The following ENPP6 variants were observed in gnomAD, a reference collection of about 807,000 sequenced individuals.
ENPP6 encodes the protein ectonucleotide pyrophosphatase/phosphodiesterase 6, also known as glycerophosphocholine cholinephosphodiesterase ENPP6.
Under a neutral mutation model 42.0 loss-of-function variants are expected in ENPP6, and 32 were observed. That is an observed-to-expected ratio of 0.76 (90% CI 0.58 to 1.02). The LOEUF is 1.02. Ranked by LOEUF, ENPP6 falls within the 50% of genes least tolerant of loss-of-function variation. The probability of loss-of-function intolerance (pLI) is 0.00; values close to 1 mark genes in which losing one functional copy is unlikely to be tolerated. For synonymous variants in ENPP6, 213 were observed against 216.0 expected, an observed-to-expected ratio of 0.99 and a Z score of 0.12; for missense variants, 552 against 566.8, an observed-to-expected ratio of 0.97 and a Z score of 0.27.
intron 5 of ENPP6, among the ~76,000 whole-genome samples, 180 bp from the exon 6 acceptor site, chr4:184,112,989 T>C (rs1359650869): frequency 2.0e-5 from 3 of 152,234 alleles, no homozygotes; most frequent in Non-Finnish European, 4.4e-5. Context: ...CAAGGTGGCT[T>C]CATCCAGGAA....
chr4:184,143,784 G>T (rs1736871395), intron 2 of ENPP6, among the ~76,000 whole-genome samples: 1 of 152,210 alleles, frequency 6.6e-6, no homozygotes, highest in South Asian at 2.1e-4. Context: ...TGAGTGAGTG[G>T]CTGCATGGAT....
In ENPP6 at chr4:184,091,140, T is replaced by C; in HGVS notation, c.*37A>G. 1 of 1,497,148 alleles carries C rather than the reference T, an allele frequency of 6.7e-7. No individual in the cohort carries two copies. Among genetic ancestry groups the C allele is most frequent in the Non-Finnish European group, 8.9e-7 (1 of 1,124,244 alleles). The allele number at this position is 1,497,148 out of a possible 1,614,324, so 92.7% of individuals were successfully genotyped here. ...ATCTGGCTTTGGAGGCCCACTTTGC[T>C]GATGGTGTTTTTTTCTGAGACAAGC... On this transcript the variant is annotated 3_prime_UTR_variant, in exon 8 of 8. Coordinates refer to ENST00000296741, the MANE Select transcript of ENPP6 (RefSeq NM_153343.4).
chr4:184,193,940 G>A (rs936566309), intron 1 of ENPP6, among the ~76,000 whole-genome samples: 3 of 152,114 alleles, frequency 2.0e-5, no homozygotes, highest in Admixed American at 6.5e-5. Flanking sequence ...TCTTCTATTA[G>A]AAGCTTTGCC....
chr4:184,176,020 C>A (rs1004185804), intron 1 of ENPP6, among the ~76,000 whole-genome samples: 4 of 152,072 alleles, frequency 2.6e-5, no homozygotes, highest in African/African-American at 7.2e-5. Context: ...CACTCCTGGC[C>A]TCAAGCAATC....
At chr4:184,155,340 C>T (rs1737139792) in intron 1 of ENPP6, among the ~76,000 whole-genome samples, 1 of 152,158 alleles carries the variant, frequency 6.6e-6, no homozygotes, top group Non-Finnish European at 1.5e-5. Context: ...CCTAATGATG[C>T]TTACTCATCC....
chr4:184,117,895 C>T lies in ENPP6; in HGVS notation c.539G>A (p.Gly180Asp). 1 of 1,613,970 alleles carries T rather than the reference C, an allele frequency of 6.2e-7. No individual in the cohort carries two copies. Among genetic ancestry groups the T allele is most frequent in the Non-Finnish European group, 8.5e-7 (1 of 1,179,970 alleles). The change falls in exon 4 of 8, where the codon GGC (glycine) becomes GAC (aspartate). Residue 180 changes from glycine to aspartate, a missense_variant. Transcript: ENST00000296741. ...VSDALDSFKSGRADLAAIYHE... is the reference protein window; with the variant it reads ...VSDALDSFKSDRADLAAIYHE... ...GTATATGGCTGCCAGGTCGGCCCGG[C>T]CACTCCTGGAGGGACAGAGGAGAGA...
chr4:184,148,519 G>A (rs1405281774), intron 2 of ENPP6, among the ~76,000 whole-genome samples: 4 of 152,156 alleles, frequency 2.6e-5, no homozygotes, highest in African/African-American at 4.8e-5. Flanking sequence ...AGAAATGGTC[G>A]ACGCCTAGAA....
In ENPP6 at chr4:184,096,945, T is replaced by G. The variant is rs947723106; in HGVS notation, c.1117+300A>C. On this transcript the variant is annotated intron_variant, in intron 7 of 7. Transcript: ENST00000296741. ...TCCTGGACATCAGATAGCTATGAAA[T>G]AACATTTTGATGAATTAGGTAAAAA... is the stretch of plus-strand genomic sequence containing the variant. Among the ~76,000 whole-genome samples, 24 of 152,194 alleles carry G rather than the reference T, an allele frequency of 1.6e-4. 1 individual carries two copies. The highest frequency in any genetic ancestry group is 5.5e-4 in the African/African-American group (23 of 41,530).
At position 184,116,840 on chromosome 4, in the gene ENPP6, C is replaced by A. The variant is rs375748706; in HGVS notation, c.855+16G>T. 2.2e-5 allele frequency: 36 copies of A among 1,612,438 alleles called. No individual in the cohort carries two copies. The highest frequency in any genetic ancestry group is 2.2e-4 in the East Asian group (10 of 44,886). ...GCCCACATGGCCCTCCTCCGCCCCC[C>A]ACGGGTCTGTCTTGCCTCAGAGTGT... On this transcript the variant is annotated intron_variant, in intron 5 of 7. Transcript: ENST00000296741.
At chr4:184,116,764 CA>C in intron 5 of ENPP6, 91 bp downstream of exon 5, 1 of 1,516,392 alleles carries the variant, frequency 6.6e-7, no homozygotes, top group Non-Finnish European at 8.9e-7. Flanking sequence ...ACACACAAAA[CA>C]AAACAAAAAA....
intron 1 of ENPP6, among the ~76,000 whole-genome samples, chr4:184,205,572 C>A (rs1732981614): frequency 6.6e-6 from 1 of 152,256 alleles, no homozygotes; most frequent in Admixed American, 6.5e-5. Context: ...ACTTGGGGTA[C>A]AACAGAACCC....
chr4:184,151,493 T>C lies in ENPP6; in HGVS notation c.421+2061A>G, dbSNP rs563425711. On this transcript the variant is annotated intron_variant, in intron 2 of 7. Transcript: ENST00000296741. ...AAGGCCCTCTCCAGGAGATCTTATGTGGAGGGGGCTCAAGGGTTGTTGGCA... is the reference window on the plus strand; with the variant it reads ...AAGGCCCTCTCCAGGAGATCTTATGCGGAGGGGGCTCAAGGGTTGTTGGCA... Among the ~76,000 whole-genome samples, 37 of 152,348 alleles carry C rather than the reference T, an allele frequency of 2.4e-4. No individual in the cohort carries two copies. The South Asian group carries it at 7.5e-3, about 31-fold the overall frequency.
chr4:184,151,416 C>T (rs1339584443), intron 2 of ENPP6, among the ~76,000 whole-genome samples: 1 of 152,224 alleles, frequency 6.6e-6, no homozygotes, highest in African/African-American at 2.4e-5. Context: ...GCGACTGCCC[C>T]TCAGTAGGAT....
intron 1 of ENPP6, among the ~76,000 whole-genome samples, chr4:184,173,664 T>G (rs1435606622): frequency 6.6e-6 from 1 of 152,208 alleles, no homozygotes; most frequent in African/African-American, 2.4e-5. Context: ...AGGGTCACTG[T>G]GGGAATCTTA....
intron 2 of ENPP6, among the ~76,000 whole-genome samples, chr4:184,136,635 T>C: frequency 6.6e-6 from 1 of 152,250 alleles, no homozygotes; most frequent in East Asian, 1.9e-4. Flanking sequence ...CGTTGATCAC[T>C]GTTTTCTCAT....
At chr4:184,130,304 A>G (rs935571712) in intron 2 of ENPP6, among the ~76,000 whole-genome samples, 1 of 151,294 alleles carries the variant, frequency 6.6e-6, no homozygotes, top group Non-Finnish European at 1.5e-5. Flanking sequence ...CATGCCTGTA[A>G]TCCCAGCACT....
At chr4:184,130,942 G>A (rs910819924) in intron 2 of ENPP6, among the ~76,000 whole-genome samples, 1 of 152,156 alleles carries the variant, frequency 6.6e-6, no homozygotes, top group Non-Finnish European at 1.5e-5. Context: ...TTGGGTCATT[G>A]CCAGTGTTCA....
intron 1 of ENPP6, among the ~76,000 whole-genome samples, chr4:184,165,440 C>G (rs976427621): frequency 1.3e-5 from 2 of 152,236 alleles, no homozygotes; most frequent in Admixed American, 1.3e-4. Flanking sequence ...GCACCAGCAC[C>G]TGCTCCCCTC....
rs141490992 is a variant in ENPP6 at position 184,151,109 on chromosome 4, G to A, written c.421+2445C>T. On this transcript the variant is annotated intron_variant, in intron 2 of 7. Transcript: ENST00000296741. Reference sequence around the variant, plus strand: ...TCCCAGCACTTTGGGAGGCCAAGGTGGGTGGATCACCTGAGGTCAGCAGAT... The same window carrying A: ...TCCCAGCACTTTGGGAGGCCAAGGTAGGTGGATCACCTGAGGTCAGCAGAT... 9.6e-3 allele frequency among the ~76,000 whole-genome samples: 1,455 copies of A among 152,330 alleles called. 12 individuals are homozygous for A. The highest frequency in any genetic ancestry group is 0.02 in the Middle Eastern group (6 of 294).
Sources: allele counts gnomAD v4.1 joint callset (sites outside exome capture counted in the v4.1 genomes callset), GRCh38; gene constraint gnomAD v4.1.1; transcripts MANE v1.5; gene names NCBI Gene and HGNC (gene_info 2026-07-23, HGNC 2026-07-21).